The following BTBD16 variants were observed in gnomAD, a reference collection of about 807,000 sequenced individuals.
The protein encoded by BTBD16 is BTB domain containing 16.
BTBD16 carries 66 observed loss-of-function variants against 67.4 expected under a neutral mutation model. The ratio of observed to expected loss-of-function variants is 0.98; its 90% CI spans 0.80 to 1.20. BTBD16 has a LOEUF of 1.20. Among genes scored for constraint, BTBD16 ranks in the 50% most tolerant of loss-of-function variants. The pLI, the probability that BTBD16 is intolerant of heterozygous loss-of-function variation, is 0.00. For missense variants in BTBD16, 634 were observed against 616.0 expected (o/e 1.03, Z -0.31); for synonymous variants, 242 against 236.4 (o/e 1.02, Z -0.22).
At chr10:122,281,529 A>G (rs930021556) in intron 3 of BTBD16, among the ~76,000 whole-genome samples, 1 of 152,176 alleles carries the variant, frequency 6.6e-6, no homozygotes, top group Non-Finnish European at 1.5e-5. Context: ...CCTTGCATGT[A>G]GCTGGGACTA....
At chr10:122,303,081 T>C (rs1341226090) in intron 9 of BTBD16, among the ~76,000 whole-genome samples, 1 of 152,220 alleles carries the variant, frequency 6.6e-6, no homozygotes, top group Admixed American at 6.5e-5. Flanking sequence ...AAAGGTAGAA[T>C]TATAATACAA....
At chr10:122,273,245 T>TATATATACAC (rs1249462780) in intron 1 of BTBD16, among the ~76,000 whole-genome samples, 3 of 139,444 alleles carry the variant, frequency 2.2e-5, no homozygotes, top group African/African-American at 8.0e-5. Flanking sequence ...TATATATATA[T>TATATATACAC]ACACACATAC....
intron 7 of BTBD16, chr10:122,291,499 C>T (rs2096374008): frequency 4.1e-6 from 1 of 242,572 alleles, no homozygotes; most frequent in Non-Finnish European, 7.9e-6. Context: ...TTCCTAGTAG[C>T]CCCCAAACCA....
rs115806665 is a variant in BTBD16 at position 122,279,204 on chromosome 10, A to G, written c.167+2265A>G. Among the ~76,000 whole-genome samples the G allele has an allele frequency of 3.6e-3, 551 of 152,188 alleles. 3 individuals are homozygous for G. The highest frequency in any genetic ancestry group is 0.013 in the African/African-American group (520 of 41,498). The stretch of plus-strand genomic sequence containing the variant: ...GTAATAAACACAAACTTGTCTGGGC[A>G]TGGTGGCTCATACTTGTCATCCTAG... On this transcript the variant is annotated intron_variant, in intron 3 of 15. Coordinates refer to ENST00000260723, the MANE Select transcript of BTBD16 (RefSeq NM_144587.5).
rs192267521 is a variant in BTBD16, at chr10:122,303,426, T to A, written c.792-3763T>A. Among the ~76,000 whole-genome samples the A allele has an allele frequency of 2.2e-3, 340 of 152,382 alleles. 1 individual carries two copies. The highest frequency in any genetic ancestry group is 7.8e-3 in the African/African-American group (324 of 41,592). On this transcript the variant is annotated intron_variant, in intron 9 of 15. Transcript: ENST00000260723. ...CTCTCCATGTTGATATTTGCATATCTAATGAGCATTTAAAATTTTAATTGT... is the reference window on the plus strand; with the variant it reads ...CTCTCCATGTTGATATTTGCATATCAAATGAGCATTTAAAATTTTAATTGT...
intron 11 of BTBD16, among the ~76,000 whole-genome samples, chr10:122,330,688 T>C (rs539812059): frequency 2.6e-5 from 4 of 152,300 alleles, no homozygotes; most frequent in African/African-American, 9.6e-5. Context: ...TTGGTTCCTT[T>C]GGAAGTTTGT....
At chr10:122,290,777 C>T (rs1234930012) in intron 6 of BTBD16, among the ~76,000 whole-genome samples, 4 of 152,294 alleles carry the variant, frequency 2.6e-5, no homozygotes, top group Middle Eastern at 3.4e-3. Flanking sequence ...CAGTCACATT[C>T]CTGCGCAGGC....
At chr10:122,337,937 G>A in intron 15 of BTBD16, 80 bp from the exon 16 acceptor site, 1 of 1,190,590 alleles carries the variant, frequency 8.4e-7, no homozygotes, top group African/African-American at 1.5e-5. Context: ...ACAACTGTTA[G>A]TCCTTCCTCT....
At chr10:122,328,366 T>C (rs1306814294) in intron 10 of BTBD16, among the ~76,000 whole-genome samples, 1 of 152,178 alleles carries the variant, frequency 6.6e-6, no homozygotes, top group Non-Finnish European at 1.5e-5. Flanking sequence ...ACAGGGTAGA[T>C]ACTGGTAAAT....
At chr10:122,295,373 G>A (rs2096381285) in intron 7 of BTBD16, 3 of 985,316 alleles carry the variant, frequency 3.0e-6, no homozygotes, top group South Asian at 9.4e-5. Flanking sequence ...AAGACCCAAT[G>A]CAGCTGCAAT....
intron 10 of BTBD16, among the ~76,000 whole-genome samples, chr10:122,316,198 C>T (rs1222015218): frequency 1.3e-5 from 2 of 152,216 alleles, no homozygotes; most frequent in African/African-American, 4.8e-5. Flanking sequence ...ACCTGGGAGG[C>T]AGAGGTTGCA....
intron 1 of BTBD16, among the ~76,000 whole-genome samples, chr10:122,273,087 G>A (rs188998643): frequency 1.5e-3 from 223 of 152,086 alleles, no homozygotes; most frequent in African/African-American, 5.0e-3. Flanking sequence ...TTATAAATTG[G>A]TGATAGGAAT....
intron 10 of BTBD16, among the ~76,000 whole-genome samples, chr10:122,319,650 G>A (rs902134004): frequency 6.6e-6 from 1 of 152,060 alleles, no homozygotes; most frequent in Non-Finnish European, 1.5e-5. Context: ...ATAAGGTAAT[G>A]TAAGTTCTCT....
rs754204178 is a variant in BTBD16 at position 122,276,834 on chromosome 10, G to A, written c.62G>A (p.Arg21Gln). The A allele has an allele frequency of 9.9e-6, 16 of 1,614,202 alleles. No individual in the cohort carries two copies. The highest frequency in any genetic ancestry group is 7.7e-5 in the South Asian group (7 of 91,084). Residue 21 changes from arginine (R) to glutamine (Q), a missense_variant, in exon 3 of 16, where the codon CGG (arginine) becomes CAG (glutamine). By Grantham distance (43) the Arg-to-Gln change is conservative. Coordinates refer to ENST00000260723, the MANE Select transcript of BTBD16 (RefSeq NM_144587.5). The part of the protein sequence containing the change: ...LERRVTGSTN[R>Q]WRLPKQPFSG... ...CGCCGGGTCACTGGCTCAACCAACCGGTGGCGTTTGCCCAAACAGCCTTTC... is the reference window on the plus strand; with the variant it reads ...CGCCGGGTCACTGGCTCAACCAACCAGTGGCGTTTGCCCAAACAGCCTTTC...
chr10:122,294,073 A>G (rs2096378825), intron 7 of BTBD16: 3 of 958,382 alleles, frequency 3.1e-6, no homozygotes, highest in African/African-American at 1.8e-5. Context: ...GCTTGCCTGA[A>G]GCTGATGGGA....
intron 13 of BTBD16, among the ~76,000 whole-genome samples, chr10:122,333,930 A>G (rs2096458843): frequency 6.6e-6 from 1 of 152,178 alleles, no homozygotes; most frequent in Non-Finnish European, 1.5e-5. Context: ...TTGAAAGTAT[A>G]TTTCATTCAA....
chr10:122,316,857 C>T (rs562162279), intron 10 of BTBD16, among the ~76,000 whole-genome samples: 50 of 151,952 alleles, frequency 3.3e-4, no homozygotes, highest in African/African-American at 9.4e-4. Flanking sequence ...GGCGCAATCT[C>T]GGTTCACCGC....
At chr10:122,328,920 A>G in intron 10 of BTBD16, 2 of 721,786 alleles carry the variant, frequency 2.8e-6, no homozygotes, top group Non-Finnish European at 3.4e-6. Context: ...ACCAGCTGCT[A>G]AAACTAGTTC....
At chr10:122,290,939 GT>G in intron 6 of BTBD16, 140 bp from the exon 7 acceptor site, 3 of 1,253,602 alleles carry the variant, frequency 2.4e-6, no homozygotes, top group Non-Finnish European at 3.2e-6. Context: ...CTTCTGGGCG[GT>G]GCCTGCATCC....
Sources: allele counts gnomAD v4.1 joint callset (sites outside exome capture counted in the v4.1 genomes callset), GRCh38; gene constraint gnomAD v4.1.1; transcripts MANE v1.5; gene names NCBI Gene and HGNC (gene_info 2026-07-23, HGNC 2026-07-21).